The following RPS23 variants were observed in gnomAD, a reference collection of about 807,000 sequenced individuals.
RPS23 encodes the protein small ribosomal subunit protein uS12.
For missense variants in RPS23, 73 were observed against 174.5 expected (o/e 0.42, Z 3.28); for synonymous variants, 66 against 60.4 (o/e 1.09, Z -0.43).
chr5:82,275,302 C>T lies in RPS23; in HGVS notation c.*807G>A. On this transcript the variant is annotated 3_prime_UTR_variant, in exon 4 of 4. Transcript: ENST00000296674. Reference sequence around the variant, plus strand: ...CACTGTATCCATGAAAACTCTGAAACAAGTATTTGTGGACAGCAAAATCCA... The same window carrying T: ...CACTGTATCCATGAAAACTCTGAAATAAGTATTTGTGGACAGCAAAATCCA... The T allele has an allele frequency of 1.4e-6, 1 of 702,612 alleles. No homozygotes were observed. Among genetic ancestry groups the T allele is most frequent in the East Asian group, 2.7e-5 (1 of 37,276 alleles). 43.5% of individuals were successfully genotyped at this position (702,612 alleles called of 1,614,324 possible). A position where few individuals can be genotyped will look rare whatever the true frequency, so the allele number is the denominator to read the frequency against.
In RPS23 at chr5:82,277,677, G is replaced by A. The variant is rs183538845; in HGVS notation, c.164+16C>T. ...TCCTATAATAAACTAAAACTTGACGGGAGCAATGGACTTACACTTTTTCCA... is the reference window on the plus strand; with the variant it reads ...TCCTATAATAAACTAAAACTTGACGAGAGCAATGGACTTACACTTTTTCCA... On this transcript the variant is annotated intron_variant, in intron 2 of 3. Transcript: ENST00000296674. 1.3e-4 allele frequency: 211 copies of A among 1,612,546 alleles called. No individual in the cohort carries two copies. In the African/African-American group the frequency reaches 2.5e-3, roughly 19 times the overall value.
intron 2 of RPS23, 56 bp from the exon 3 acceptor site, chr5:82,276,574 T>A (rs1348500940): frequency 7.5e-6 from 12 of 1,601,432 alleles, no homozygotes; most frequent in Non-Finnish European, 8.5e-6. Flanking sequence ...GATTATCTTT[T>A]CATATTAACT....
chr5:82,276,623 A>G, intron 2 of RPS23, 105 bp from the exon 3 acceptor site: 1 of 1,427,960 alleles, frequency 7.0e-7, no homozygotes, highest in Non-Finnish European at 9.6e-7. Context: ...TTTTCAATCT[A>G]ACCTCAAATG....
In RPS23 at chr5:82,275,072, C is replaced by T. The variant is rs1296837589; in HGVS notation, c.*1037G>A. ...TGGAATATGCAGGTATGAAGCGCAA[C>T]CTGGGTTCTTCTGTGCCATGTGAAA... On this transcript the variant is annotated 3_prime_UTR_variant, in exon 4 of 4. Transcript: ENST00000296674. 5.0e-5 allele frequency: 30 copies of T among 604,762 alleles called. No individual in the cohort carries two copies. The highest frequency in any genetic ancestry group is 7.7e-5 in the Non-Finnish European group (26 of 339,192). 37.5% of individuals were successfully genotyped at this position (604,762 alleles called of 1,614,324 possible).
rs1204652739 is a variant in RPS23 at position 82,275,966 on chromosome 5, G to A, written c.*143C>T. The A allele has an allele frequency of 1.6e-5, 12 of 730,236 alleles. No individual in the cohort carries two copies. Among genetic ancestry groups the A allele is most frequent in the South Asian group, 3.9e-5 (2 of 51,304 alleles). The allele number at this position is 730,236 out of a possible 1,614,324, so 45.2% of individuals were successfully genotyped here. ...CTCCTAAAATTGGTACAGGTCCTGC[G>A]TTTGCTGGTTTAGGATAAAAAAAAT... is the stretch of plus-strand genomic sequence containing the variant. On this transcript the variant is annotated 3_prime_UTR_variant, in exon 4 of 4. Transcript: ENST00000296674.
intron 1 of RPS23, 187 bp downstream of exon 1, chr5:82,278,133 G>A: frequency 2.6e-6 from 2 of 768,598 alleles, no homozygotes; most frequent in Non-Finnish European, 4.2e-6. Flanking sequence ...CCCGACCTCG[G>A]CGGCCTCCAC....
intron 2 of RPS23, 162 bp downstream of exon 2, chr5:82,277,531 T>C (rs1747907277): frequency 2.7e-6 from 2 of 749,944 alleles, no homozygotes; most frequent in African/African-American, 1.8e-5. Flanking sequence ...AAACTAATTT[T>C]ACCAACTTTT....
At chr5:82,277,549 A>C in intron 2 of RPS23, 144 bp downstream of exon 2, 1 of 837,842 alleles carries the variant, frequency 1.2e-6, no homozygotes, top group Non-Finnish European at 2.0e-6. Flanking sequence ...TTTAAATAGA[A>C]CAAACGCTTT....
At chr5:82,278,149 A>C (rs1310890398) in intron 1 of RPS23, 171 bp downstream of exon 1, 7 of 886,084 alleles carry the variant, frequency 7.9e-6, no homozygotes, top group African/African-American at 3.4e-5. Context: ...TCCACGCCTC[A>C]TGGGCCCCTT....
In RPS23 at chr5:82,274,971, C is replaced by T. The variant is rs1303003837; in HGVS notation, c.*1138G>A. ...AGGTCCTGAGGCTGGATATGGAACCCAAGTTTGAGGATGACCAACTGAGAC... is the reference window on the plus strand; with the variant it reads ...AGGTCCTGAGGCTGGATATGGAACCTAAGTTTGAGGATGACCAACTGAGAC... On this transcript the variant is annotated 3_prime_UTR_variant, in exon 4 of 4. Transcript: ENST00000296674. 2 of 483,772 alleles carry T rather than the reference C, an allele frequency of 4.1e-6. No individual in the cohort carries two copies. Among genetic ancestry groups the T allele is most frequent in the Non-Finnish European group, 7.4e-6 (2 of 270,148 alleles). 30.0% of individuals were successfully genotyped at this position (483,772 alleles called of 1,614,324 possible).
intron 2 of RPS23, chr5:82,276,784 G>A (rs1290410745): frequency 1.3e-5 from 6 of 459,628 alleles, no homozygotes; most frequent in Non-Finnish European, 2.3e-5. Context: ...CGAGGCTGAC[G>A]TGGGAGGATC....
In RPS23 at chr5:82,277,721, G is replaced by A; in HGVS notation, c.136C>T (p.His46Tyr). The change falls in exon 2 of 4, where the codon CAT becomes TAT. Residue 46 changes from histidine (H) to tyrosine (Y), a missense_variant. Physicochemically the swap from His to Tyr is moderately conservative, Grantham distance 83. Transcript: ENST00000296674. Reference protein sequence around the residue: ...LKANPFGGASHAKGIVLEKVG... With the variant: ...LKANPFGGASYAKGIVLEKVG... ...TTTTCCAGCACGATTCCTTTTGCATGAGAAGCACCTCCAAAAGGGTTGGCC... is the reference window on the plus strand; with the variant it reads ...TTTTCCAGCACGATTCCTTTTGCATAAGAAGCACCTCCAAAAGGGTTGGCC... The A allele has an allele frequency of 6.2e-7, 1 of 1,613,978 alleles. No homozygotes were observed. Among genetic ancestry groups the A allele is most frequent in the East Asian group, 2.2e-5 (1 of 44,876 alleles).
In RPS23 at chr5:82,275,079, T is replaced by C; in HGVS notation, c.*1030A>G. On this transcript the variant is annotated 3_prime_UTR_variant, in exon 4 of 4. Coordinates refer to ENST00000296674, the MANE Select transcript of RPS23 (RefSeq NM_001025.5). ...TGCAGGTATGAAGCGCAACCTGGGT[T>C]CTTCTGTGCCATGTGAAAGGTTCTG... 1.6e-6 allele frequency: 1 copy of C among 608,734 alleles called. No individual in the cohort carries two copies. The highest frequency in any genetic ancestry group is 4.0e-4 in the Middle Eastern group (1 of 2,504). 37.7% of individuals were successfully genotyped at this position (608,734 alleles called of 1,614,324 possible).
intron 2 of RPS23, chr5:82,277,431 G>T (rs1365754986): frequency 1.2e-5 from 6 of 481,826 alleles, no homozygotes; most frequent in African/African-American, 2.0e-5. Flanking sequence ...CAGTAAAGGT[G>T]TTTGTGTCCT....
Position 82,275,467 on chromosome 5 carries a change from TGTC to T in RPS23, c.*639_*641del, listed in dbSNP as rs1747753327. 5 of 623,050 alleles carry T rather than the reference TGTC, an allele frequency of 8.0e-6. No individual in the cohort carries two copies. Among genetic ancestry groups the T allele is most frequent in the Non-Finnish European group, 1.4e-5 (5 of 348,144 alleles). 38.6% of individuals were successfully genotyped at this position (623,050 alleles called of 1,614,324 possible). On this transcript the variant is annotated 3_prime_UTR_variant, in exon 4 of 4. Coordinates refer to ENST00000296674, the MANE Select transcript of RPS23 (RefSeq NM_001025.5). The stretch of plus-strand genomic sequence containing the variant: ...GAGAAGATACTGAAAACATCAGTCT[TGTC>T]GTATACCTTATCTCCCTTGCCTGGC...
intron 2 of RPS23, 78 bp downstream of exon 2, chr5:82,277,615 C>T: frequency 6.9e-7 from 1 of 1,444,276 alleles, no homozygotes; most frequent in Non-Finnish European, 9.7e-7. Context: ...CCTGCAATTA[C>T]TTTCAAAACA....
At position 82,278,314 on chromosome 5, in the gene RPS23, G is replaced by A. The variant is rs550552922; in HGVS notation, c.4+6C>T. 2.2e-5 allele frequency: 35 copies of A among 1,609,012 alleles called. No homozygotes were observed. The African/African-American group carries it at 4.2e-4, about 19-fold the overall frequency. ...CAGCGCCCTTAAACCGGCCACAACAGCTCACCCATCCTGTCGGCGCCACGG... is the reference window on the plus strand; with the variant it reads ...CAGCGCCCTTAAACCGGCCACAACAACTCACCCATCCTGTCGGCGCCACGG... On this transcript the variant is annotated splice_donor_region_variant and intron_variant, in intron 1 of 3. Coordinates refer to ENST00000296674, the MANE Select transcript of RPS23 (RefSeq NM_001025.5).
Position 82,275,643 on chromosome 5 carries a change from G to GT in RPS23, c.*465dup, listed in dbSNP as rs1423493046. On this transcript the variant is annotated 3_prime_UTR_variant, in exon 4 of 4. Transcript: ENST00000296674. Reference sequence around the variant, plus strand: ...TTACTATTTATCATCTTGGGCCCCTGTAAGATGGATACAAGAATGTGCATT... The same window carrying GT: ...TTACTATTTATCATCTTGGGCCCCTGTTAAGATGGATACAAGAATGTGCATT... The GT allele has an allele frequency of 3.2e-6, 1 of 307,962 alleles. No homozygotes were observed. Among genetic ancestry groups the GT allele is most frequent in the Non-Finnish European group, 5.9e-6 (1 of 168,430 alleles). The allele number at this position is 307,962 out of a possible 1,614,324, so 19.1% of individuals were successfully genotyped here.
rs142846049 is a variant in RPS23 at position 82,275,109 on chromosome 5, T to C, written c.*1000A>G. 4.1e-5 allele frequency: 27 copies of C among 656,220 alleles called. No individual in the cohort carries two copies. In the East Asian group the frequency reaches 5.7e-4, roughly 14 times the overall value. The allele number at this position is 656,220 out of a possible 1,614,324, so 40.6% of individuals were successfully genotyped here. A position where few individuals can be genotyped will look rare whatever the true frequency, so the allele number is the denominator to read the frequency against. On this transcript the variant is annotated 3_prime_UTR_variant, in exon 4 of 4. Transcript: ENST00000296674. ...TGTGCCATGTGAAAGGTTCTGCTCT[T>C]GATCCTACGGAAAGTGGGCAACCAA...
Sources: gnomAD v4.1 joint callset for allele counts on GRCh38, gnomAD v4.1.1 for gene constraint, MANE v1.5 for transcripts, NCBI Gene and HGNC (gene_info 2026-07-23, HGNC 2026-07-21) for gene names.